The following APLF variants were observed in gnomAD, a reference collection of about 807,000 sequenced individuals.
The protein encoded by APLF is aprataxin and PNK-like factor.
Under a neutral mutation model 55.6 loss-of-function variants are expected in APLF, and 61 were observed. The observed-to-expected ratio is 1.10, with a 90% confidence interval of 0.89 to 1.36. The LOEUF is 1.36. Among genes scored for constraint, APLF ranks in the 40% most tolerant of loss-of-function variants. The pLI is 0.00. For missense variants in APLF, 611 were observed against 602.5 expected, an observed-to-expected ratio of 1.01 and a Z score of -0.15; for synonymous variants, 207 against 214.8, an observed-to-expected ratio of 0.96 and a Z score of 0.32.
intron 1 of APLF, among the ~76,000 whole-genome samples, chr2:68,485,439 G>A (rs1316317545): frequency 6.6e-6 from 1 of 152,136 alleles, no homozygotes; most frequent in Non-Finnish European, 1.5e-5. Flanking sequence ...ACATCTATCA[G>A]TTTGTCCTCC....
intron 2 of APLF, among the ~76,000 whole-genome samples, chr2:68,499,266 A>G (rs563239966): frequency 6.6e-6 from 1 of 152,276 alleles, no homozygotes; most frequent in African/African-American, 2.4e-5. Context: ...TACACCAACA[A>G]TGTCTCTCAT....
intron 9 of APLF, among the ~76,000 whole-genome samples, chr2:68,575,346 A>C (rs1381518661): frequency 6.6e-6 from 1 of 152,198 alleles, no homozygotes; most frequent in Non-Finnish European, 1.5e-5. Context: ...CAGTGTGAGT[A>C]AACAGAATGG....
At chr2:68,483,821 G>T (rs956865451) in intron 1 of APLF, among the ~76,000 whole-genome samples, 8 of 151,940 alleles carry the variant, frequency 5.3e-5, no homozygotes, top group South Asian at 4.1e-4. Flanking sequence ...ATATGTACAG[G>T]AACCAAGTTA....
At chr2:68,512,132 A>G (rs1416099120) in intron 3 of APLF, among the ~76,000 whole-genome samples, 1 of 151,708 alleles carries the variant, frequency 6.6e-6, no homozygotes, top group Admixed American at 6.6e-5. Flanking sequence ...ATAGTCATTT[A>G]AAATACTACT....
chr2:68,531,888 T>G (rs1386326330), intron 6 of APLF, among the ~76,000 whole-genome samples: 2 of 152,226 alleles, frequency 1.3e-5, no homozygotes, highest in Admixed American at 1.3e-4. Flanking sequence ...GAGGTTTTGA[T>G]GACATCAAGG....
intron 1 of APLF, among the ~76,000 whole-genome samples, chr2:68,470,220 G>A (rs940192028): frequency 6.6e-6 from 1 of 152,194 alleles, no homozygotes; most frequent in African/African-American, 2.4e-5. Flanking sequence ...ATTACATATT[G>A]TGTGATTCCA....
chr2:68,498,246 T>A (rs1339540539), intron 2 of APLF, among the ~76,000 whole-genome samples: 1 of 152,200 alleles, frequency 6.6e-6, no homozygotes, highest in Non-Finnish European at 1.5e-5. Context: ...TATACAAGTG[T>A]AATAAAATGT....
In APLF at chr2:68,528,613, G is replaced by A. The variant is rs376576575; in HGVS notation, c.804+2371G>A. Reference sequence around the variant, plus strand: ...GCAAGCCTGGAGAGCTGGGCAGGTGGTCTTTACCCAGCACCTTCAAGGCCG... The same window carrying A: ...GCAAGCCTGGAGAGCTGGGCAGGTGATCTTTACCCAGCACCTTCAAGGCCG... On this transcript the variant is annotated intron_variant, in intron 6 of 9. Transcript: ENST00000303795. 394 of 1,533,730 alleles carry A rather than the reference G, an allele frequency of 2.6e-4. 1 individual carries two copies. In the East Asian group the frequency reaches 9.4e-3, roughly 36 times the overall value.
chr2:68,492,211 G>T (rs1194243058), intron 2 of APLF, among the ~76,000 whole-genome samples: 2 of 152,118 alleles, frequency 1.3e-5, no homozygotes, highest in African/African-American at 4.8e-5. Flanking sequence ...GGGCGCGGTG[G>T]CTCACGTCTG....
At chr2:68,528,868 G>C in intron 6 of APLF, 1 of 1,524,094 alleles carries the variant, frequency 6.6e-7, no homozygotes. Context: ...TGTACCAGGA[G>C]GAAGTGAGGT....
intron 1 of APLF, among the ~76,000 whole-genome samples, chr2:68,487,160 G>A (rs1363648179): frequency 1.3e-5 from 2 of 152,094 alleles, no homozygotes; most frequent in Non-Finnish European, 2.9e-5. Context: ...CCAAATGAAA[G>A]CCTGAGGGCC....
intron 7 of APLF, among the ~76,000 whole-genome samples, chr2:68,541,455 AG>A (rs1670547310): frequency 6.6e-6 from 1 of 152,208 alleles, no homozygotes; most frequent in Admixed American, 6.5e-5. Flanking sequence ...AACTCAGTTA[AG>A]AAAAAAAAAT....
chr2:68,579,336 G>A lies in APLF; in HGVS notation c.*1314G>A, dbSNP rs564432106. The stretch of plus-strand genomic sequence containing the variant: ...TGGGAACTATTTTTCCCCTTATAAT[G>A]TCCCTTTAGCCTTGGTAGTATAACA... On this transcript the variant is annotated 3_prime_UTR_variant, in exon 10 of 10. Coordinates refer to ENST00000303795, the MANE Select transcript of APLF (RefSeq NM_173545.3). 4.0e-4 allele frequency: 381 copies of A among 951,378 alleles called. No individual in the cohort carries two copies. The highest frequency in any genetic ancestry group is 4.6e-4 in the Non-Finnish European group (364 of 799,172). 58.9% of individuals were successfully genotyped at this position (951,378 alleles called of 1,614,324 possible). A position where few individuals can be genotyped will look rare whatever the true frequency, so the allele number is the denominator to read the frequency against.
At chr2:68,504,204 C>T (rs1359051384) in intron 3 of APLF, among the ~76,000 whole-genome samples, 1 of 151,900 alleles carries the variant, frequency 6.6e-6, no homozygotes, top group Non-Finnish European at 1.5e-5. Context: ...CCATAAGGAT[C>T]TTCACTAATG....
chr2:68,548,933 A>G (rs759513985), intron 8 of APLF, among the ~76,000 whole-genome samples: 15 of 151,948 alleles, frequency 9.9e-5, no homozygotes, highest in East Asian at 1.9e-4. Flanking sequence ...ACCTAACCCC[A>G]TATCTTTTCA....
intron 2 of APLF, among the ~76,000 whole-genome samples, chr2:68,500,305 A>G (rs1025691053): frequency 1.3e-5 from 2 of 152,206 alleles, no homozygotes; most frequent in Non-Finnish European, 2.9e-5. Context: ...GGAAAAGGAA[A>G]AGATGATCAT....
chr2:68,550,383 C>T (rs1044293638), intron 8 of APLF, among the ~76,000 whole-genome samples: 1 of 151,950 alleles, frequency 6.6e-6, no homozygotes, highest in Admixed American at 6.6e-5. Context: ...AGGCACCCAC[C>T]ACCACGCCCG....
intron 2 of APLF, among the ~76,000 whole-genome samples, chr2:68,497,689 A>C (rs890739048): frequency 2.0e-5 from 3 of 151,866 alleles, no homozygotes; most frequent in African/African-American, 7.3e-5. Flanking sequence ...ATGAGAACTC[A>C]TTATCTTTAA....
intron 2 of APLF, among the ~76,000 whole-genome samples, chr2:68,501,514 T>A (rs551064674): frequency 1.2e-3 from 177 of 152,282 alleles, no homozygotes; most frequent in Admixed American, 2.4e-3. Flanking sequence ...AGTGATATTA[T>A]GACAAAATGC....
Sources: allele counts gnomAD v4.1 joint callset (sites outside exome capture counted in the v4.1 genomes callset), GRCh38; gene constraint gnomAD v4.1.1; transcripts MANE v1.5; gene names NCBI Gene and HGNC (gene_info 2026-07-23, HGNC 2026-07-21).